Variants in GPHN observed in about 807,000 individuals in gnomAD.
GPHN encodes the protein gephyrin.
Under a neutral mutation model 95.5 loss-of-function variants are expected in GPHN, and 17 were observed. The observed-to-expected ratio is 0.18, with a 90% confidence interval of 0.12 to 0.27. The LOEUF is 0.27. GPHN is among the 10% of genes least tolerant of loss of function. The pLI is 1.00. For synonymous variants in GPHN, 320 were observed against 322.5 expected (o/e 0.99, Z 0.08); for missense variants, 660 against 978.1 (o/e 0.67, Z 4.34).
At chr14:67,141,476 T>G (rs1019946724) in intron 17 of GPHN, among the ~76,000 whole-genome samples, 1 of 152,240 alleles carries the variant, frequency 6.6e-6, no homozygotes, top group Non-Finnish European at 1.5e-5. Context: ...ACATATGACT[T>G]TCTTGAAAAC....
chr14:67,321,421 C>T, the GPHN span, among the ~76,000 whole-genome samples: 1 of 152,158 alleles, frequency 6.6e-6, no homozygotes, highest in Non-Finnish European at 1.5e-5. Flanking sequence ...GTTGCTAAAT[C>T]TCTTTCAGTT....
chr14:67,056,888 G>C (rs1442171138), intron 10 of GPHN, among the ~76,000 whole-genome samples: 1 of 152,220 alleles, frequency 6.6e-6, no homozygotes, highest in East Asian at 1.9e-4. Flanking sequence ...GGCCCAGCGA[G>C]AATTCGAGCG....
intron 9 of GPHN, among the ~76,000 whole-genome samples, chr14:66,989,175 G>A (rs1452676567): frequency 6.6e-6 from 1 of 151,602 alleles, no homozygotes; most frequent in East Asian, 1.9e-4. Flanking sequence ...TTTGTTTTCT[G>A]CACATATTCT....
chr14:67,639,689 G>A, the GPHN span, among the ~76,000 whole-genome samples: 1 of 152,096 alleles, frequency 6.6e-6, no homozygotes, highest in Non-Finnish European at 1.5e-5. Context: ...GGGAGGCCGA[G>A]GCAGGTGGAT....
the GPHN span, among the ~76,000 whole-genome samples, chr14:67,299,928 A>G: frequency 3.3e-5 from 5 of 152,234 alleles, no homozygotes; most frequent in African/African-American, 9.6e-5. Flanking sequence ...TGTATGATCA[A>G]GACTACAAAT....
the GPHN span, chr14:67,613,999 A>G: frequency 6.6e-6 from 1 of 152,296 alleles, no homozygotes; most frequent in African/African-American, 2.4e-5. Flanking sequence ...CAGTGGCATG[A>G]TCACAGTTCA....
intron 6 of GPHN, among the ~76,000 whole-genome samples, chr14:66,919,271 C>CT (rs2066078982): frequency 6.6e-6 from 1 of 151,998 alleles, no homozygotes; most frequent in Non-Finnish European, 1.5e-5. Flanking sequence ...TCTTTCCTGC[C>CT]TTTTTTTAAA....
intron 8 of GPHN, among the ~76,000 whole-genome samples, chr14:66,962,389 T>G (rs1239318762): frequency 1.3e-5 from 2 of 151,686 alleles, no homozygotes; most frequent in African/African-American, 4.8e-5. Flanking sequence ...TGTAATGAAA[T>G]TGTAAATTTA....
the GPHN span, chr14:67,392,312 C>A: frequency 6.6e-7 from 1 of 1,509,660 alleles, no homozygotes; most frequent in Non-Finnish European, 9.2e-7. Flanking sequence ...CTTCCCTGCT[C>A]ATAGCAGCCA....
At chr14:67,263,854 G>T in the GPHN span, among the ~76,000 whole-genome samples, 2 of 151,638 alleles carry the variant, frequency 1.3e-5, no homozygotes, top group Non-Finnish European at 2.9e-5. Context: ...TTAAATAATT[G>T]TTCTGCTCTT....
chr14:66,631,888 T>C (rs2063827160), intron 1 of GPHN, among the ~76,000 whole-genome samples: 4 of 152,116 alleles, frequency 2.6e-5, no homozygotes, highest in Admixed American at 2.0e-4. Context: ...CTATCATTGC[T>C]TCTAAACATT....
Position 66,850,821 on chromosome 14 carries a change from C to T in GPHN, c.294+26255C>T, listed in dbSNP as rs770439404. 2.0e-4 allele frequency among the ~76,000 whole-genome samples: 30 copies of T among 152,024 alleles called. 1 individual carries two copies. Among genetic ancestry groups the T allele is most frequent in the Non-Finnish European group, 3.7e-4 (25 of 68,008 alleles). On this transcript the variant is annotated intron_variant, in intron 4 of 22. Transcript: ENST00000478722. ...GGGTACATGGGTAGAAAGTTATGAT[C>T]TTACTGGTTAGGAAAGTTACATTTC...
At chr14:66,700,342 T>A (rs1052438716) in intron 2 of GPHN, among the ~76,000 whole-genome samples, 1 of 152,152 alleles carries the variant, frequency 6.6e-6, no homozygotes, top group African/African-American at 2.4e-5. Flanking sequence ...CTAAACTGTG[T>A]GAGAGAAGTA....
At position 67,113,166 on chromosome 14, in the gene GPHN, A is replaced by G. The variant is rs780241668; in HGVS notation, c.1621A>G (p.Asn541Asp). 6.2e-7 allele frequency: 1 copy of G among 1,613,480 alleles called. No homozygotes were observed. Among genetic ancestry groups the G allele is most frequent in the Non-Finnish European group, 8.5e-7 (1 of 1,179,424 alleles). Reference protein sequence around the residue: ...FPVVAVMSTGNELLNPEDDLL... With the variant: ...FPVVAVMSTGDELLNPEDDLL... ...AGTGGTTGCAGTCATGTCAACAGGG[A>G]ATGAGGTATTAAAAATAAAAATGGA... Residue 541 changes from asparagine to aspartate, a missense_variant, in exon 16 of 23, where the codon AAT becomes GAT. Coordinates refer to ENST00000478722, the MANE Select transcript of GPHN (RefSeq NM_020806.5).
rs10162298 is a variant in GPHN, at chr14:66,891,103, A to C, written c.389+11070A>C. On this transcript the variant is annotated intron_variant, in intron 5 of 22. Transcript: ENST00000478722. ...CAGAACACTTAGGCAATAAACAGAA[A>C]TGAAAGGTATCCAAATTGGAAAGGA... Among the ~76,000 whole-genome samples, 1,480 of 152,220 alleles carry C rather than the reference A, an allele frequency of 9.7e-3. 27 individuals carry two copies. Among genetic ancestry groups the C allele is most frequent in the African/African-American group, 0.034 (1,399 of 41,524 alleles).
chr14:66,742,587 A>G (rs959471362), intron 2 of GPHN, among the ~76,000 whole-genome samples: 1 of 152,202 alleles, frequency 6.6e-6, no homozygotes, highest in South Asian at 2.1e-4. Flanking sequence ...TTTAGCAGCC[A>G]TGATGGTGGC....
chr14:66,725,102 C>T (rs1049460373), intron 2 of GPHN, among the ~76,000 whole-genome samples: 1 of 152,144 alleles, frequency 6.6e-6, no homozygotes, highest in Non-Finnish European at 1.5e-5. Context: ...TACAGACTCA[C>T]CTCCTTCTCT....
chr14:67,251,566 A>G, the GPHN span, among the ~76,000 whole-genome samples: 1 of 149,836 alleles, frequency 6.7e-6, no homozygotes, highest in Non-Finnish European at 1.5e-5. Flanking sequence ...ATTAAAGTGA[A>G]GAACTTTGAG....
chr14:67,112,989 A>G (rs1310366992), intron 15 of GPHN, 29 bp from the exon 16 acceptor site: 3 of 1,610,330 alleles, frequency 1.9e-6, no homozygotes, highest in East Asian at 2.2e-5. Context: ...CTCTAATCAC[A>G]CTGCTTATGG....
Sources: allele counts gnomAD v4.1 joint callset (sites outside exome capture counted in the v4.1 genomes callset), GRCh38; gene constraint gnomAD v4.1.1; transcripts MANE v1.5; gene names NCBI Gene and HGNC (gene_info 2026-07-23, HGNC 2026-07-21).